The following DIDO1 variants were observed in gnomAD, a reference collection of about 807,000 sequenced individuals.
DIDO1 encodes death-inducer obliterator 1.
In DIDO1, 16 loss-of-function variants were observed where a neutral mutation model predicts 99.4. The ratio of observed to expected loss-of-function variants is 0.16; its 90% confidence interval spans 0.11 to 0.24. The LOEUF is 0.24. DIDO1 is among the 10% of genes least tolerant of loss of function. The probability of loss-of-function intolerance (pLI) is 1.00; values close to 1 mark genes in which losing one functional copy is unlikely to be tolerated. For missense variants in DIDO1, 2,996 were observed against 3,014.0 expected (o/e 0.99, Z 0.14); for synonymous variants, 1,366 against 1,239.1 (o/e 1.10, Z -2.15).
intron 1 of DIDO1, among the ~76,000 whole-genome samples, chr20:62,919,364 T>C (rs2065094722): frequency 1.3e-5 from 2 of 151,784 alleles, no homozygotes. Context: ...CATGGTGAAA[T>C]CCCCATCTCT....
In DIDO1 at chr20:62,896,938, T is replaced by C; in HGVS notation, c.1647A>G (p.Lys549=). The C allele has an allele frequency of 6.2e-7, 1 of 1,613,960 alleles. No individual in the cohort carries two copies. Among genetic ancestry groups the C allele is most frequent in the South Asian group, 1.1e-5 (1 of 91,074 alleles). The change falls in exon 7 of 16, where the codon AAA becomes AAG. Residue 549 remains lysine, a synonymous_variant. Transcript: ENST00000395343. This position sits in a 1 kb window ranked among gnomAD's most constrained non-coding sequence, Gnocchi z 4.4. ...EKAAAMAASK[K]TAPPGSAVGK... Reference sequence around the variant, plus strand: ...CCACCGCGGAGCCTGGAGGGGCTGTTTTCTTTGAGGCTGCCATGGCTGCCG... The same window carrying C: ...CCACCGCGGAGCCTGGAGGGGCTGTCTTCTTTGAGGCTGCCATGGCTGCCG...
At position 62,880,061 on chromosome 20, in the gene DIDO1, C is replaced by A. The variant is rs1252046201; in HGVS notation, c.5895G>T (p.Gln1965His). 1 of 1,611,548 alleles carries A rather than the reference C, an allele frequency of 6.2e-7. No individual in the cohort carries two copies. The highest frequency in any genetic ancestry group is 1.3e-5 in the African/African-American group (1 of 74,942). The change falls in exon 16 of 16, where the codon CAG becomes CAT. Residue 1965 changes from glutamine to histidine, a missense_variant. This residue lies in a region of DIDO1 where 1,562 missense variants were observed against 1,412.6 expected (regional missense o/e 1.11). Transcript: ENST00000395343. ...AATGGACCCTCTGGTCTTCGAACTG[C>A]TGAGGCTGAATGCCCCTGGGACCTG... ...FMPGPRGIQPQQFEDQRVHSP... is the reference protein window; with the variant it reads ...FMPGPRGIQPHQFEDQRVHSP...
At chr20:62,936,922 G>T (rs1035118874) in intron 1 of DIDO1, among the ~76,000 whole-genome samples, 1 of 152,238 alleles carries the variant, frequency 6.6e-6, no homozygotes, top group Non-Finnish European at 1.5e-5. Flanking sequence ...AGTTGCAAAT[G>T]AAAAAATTAC....
Position 62,909,822 on chromosome 20 carries a change from A to G in DIDO1, c.1038T>C (p.Asp346=). 6.2e-7 allele frequency: 1 copy of G among 1,614,246 alleles called. No homozygotes were observed. The highest frequency in any genetic ancestry group is 8.5e-7 in the Non-Finnish European group (1 of 1,180,032). ...QEAKWRPGDA[D]GTDCTSIGTI... is the part of the protein sequence containing the mutation. ...TTCCTATACTTGTACAATCGGTGCC[A>G]TCAGCATCTCCAGGTCTCCATTTAG... is the stretch of plus-strand genomic sequence containing the variant. The change falls in exon 4 of 16, where the codon GAT becomes GAC. Residue 346 remains aspartate, a synonymous_variant. Transcript: ENST00000395343.
Position 62,879,317 on chromosome 20 carries a change from G to T in DIDO1, c.6639C>A (p.Asp2213Glu). The T allele has an allele frequency of 6.4e-7, 1 of 1,569,930 alleles. No homozygotes were observed. Residue 2213 changes from aspartate (D) to glutamate (E), a missense_variant, in exon 16 of 16, where the codon GAC (aspartate) becomes GAA (glutamate). Coordinates refer to ENST00000395343, the MANE Select transcript of DIDO1 (RefSeq NM_001193369.2). The surrounding 1 kb of genome is among the most constrained non-coding windows in gnomAD (Gnocchi z 6.3). ...RDRERGRDRK[D>E]RSKSKESARD... The stretch of plus-strand genomic sequence containing the variant: ...GAGCGCTCTCTTTGCTCTTGCTCCG[G>T]TCCTTGCGGTCGCGGCCCCGCTCCC...
At chr20:62,890,541 C>T (rs1233223223) in intron 15 of DIDO1, 11 of 1,006,058 alleles carry the variant, frequency 1.1e-5, no homozygotes, top group African/African-American at 1.7e-5. Context: ...CCTGGAAATC[C>T]ATCCCTGTTA....
intron 15 of DIDO1, among the ~76,000 whole-genome samples, chr20:62,884,807 C>T (rs1367535320): frequency 6.6e-6 from 1 of 152,192 alleles, no homozygotes; most frequent in African/African-American, 2.4e-5. Flanking sequence ...ACCTCCACCT[C>T]CTCTTCACTC....
chr20:62,930,218 C>A (rs1032282411), upstream of DIDO1, among the ~76,000 whole-genome samples: 255 of 140,508 alleles, frequency 1.8e-3, no homozygotes, highest in African/African-American at 4.2e-3. Flanking sequence ...AACAAACAAA[C>A]AAAAAAAAAA....
intron 6 of DIDO1, among the ~76,000 whole-genome samples, chr20:62,904,354 C>T (rs528531215): frequency 6.6e-6 from 1 of 152,246 alleles, no homozygotes; most frequent in South Asian, 2.1e-4. Context: ...TGTAAGGTAT[C>T]GAGATTCATT....
chr20:62,900,463 A>G (rs1454380158), intron 6 of DIDO1, among the ~76,000 whole-genome samples: 2 of 152,126 alleles, frequency 1.3e-5, no homozygotes, highest in East Asian at 3.9e-4. Context: ...GACGGGGAGG[A>G]GAAAATCAGG....
chr20:62,913,209 G>A (rs1411306044), intron 2 of DIDO1, among the ~76,000 whole-genome samples: 1 of 151,978 alleles, frequency 6.6e-6, no homozygotes, highest in East Asian at 1.9e-4. Context: ...GGCACTCCAC[G>A]GAAGCCTTGG....
intron 1 of DIDO1, among the ~76,000 whole-genome samples, chr20:62,916,971 G>C (rs2065048903): frequency 6.6e-6 from 1 of 152,134 alleles, no homozygotes; most frequent in South Asian, 2.1e-4. Context: ...GGATGACACG[G>C]GTTCAAGTAA....
At chr20:62,901,078 T>TTCA (rs1283453232) in intron 6 of DIDO1, among the ~76,000 whole-genome samples, 1 of 152,240 alleles carries the variant, frequency 6.6e-6, no homozygotes, top group Non-Finnish European at 1.5e-5. Flanking sequence ...CTAGAATGTG[T>TTCA]TCACATGAAT....
At position 62,881,317 on chromosome 20, in the gene DIDO1, A is replaced by T. The variant is rs1020097345; in HGVS notation, c.4639T>A (p.Ser1547Thr). 1 of 1,604,406 alleles carries T rather than the reference A, an allele frequency of 6.2e-7. No individual in the cohort carries two copies. The highest frequency in any genetic ancestry group is 1.7e-5 in the Admixed American group (1 of 60,002). Reference protein sequence around the residue: ...QEQQSADKPASLPPASQASNH... With the variant: ...QEQQSADKPATLPPASQASNH... Reference sequence around the variant, plus strand: ...GACGCCTGGCTGGCGGGGGGCAGTGAGGCGGGCTTGTCTGCAGACTGCTGC... The same window carrying T: ...GACGCCTGGCTGGCGGGGGGCAGTGTGGCGGGCTTGTCTGCAGACTGCTGC... The change falls in exon 16 of 16, where the codon TCA becomes ACA. Residue 1547 changes from serine to threonine, a missense_variant. Transcript: ENST00000395343. The surrounding 1 kb of genome is among the most constrained non-coding windows in gnomAD (Gnocchi z 8.3).
At chr20:62,910,523 G>A (rs1370334949) in intron 3 of DIDO1, among the ~76,000 whole-genome samples, 1 of 152,196 alleles carries the variant, frequency 6.6e-6, no homozygotes, top group Non-Finnish European at 1.5e-5. Context: ...CGTGGCTCAC[G>A]TGACTGGGGT....
chr20:62,896,900 G>A lies in DIDO1; in HGVS notation c.1685C>T (p.Ala562Val). 6.2e-7 allele frequency: 1 copy of A among 1,614,038 alleles called. No individual in the cohort carries two copies. Among genetic ancestry groups the A allele is most frequent in the East Asian group, 2.2e-5 (1 of 44,882 alleles). Residue 562 changes from alanine to valine, a missense_variant, in exon 7 of 16, where the codon GCA becomes GTA. By Grantham distance (64) the Ala-to-Val change is moderately conservative. Transcript: ENST00000395343. The surrounding 1 kb of genome is among the most constrained non-coding windows in gnomAD (Gnocchi z 4.4). Reference sequence around the variant, plus strand: ...CTTCTTTGGCACGAGGTTTCTAGGTGCAGGCTGCTTGCCCACCGCGGAGCC... The same window carrying A: ...CTTCTTTGGCACGAGGTTTCTAGGTACAGGCTGCTTGCCCACCGCGGAGCC... Reference protein sequence around the residue: ...PPGSAVGKQPAPRNLVPKKSS... With the variant: ...PPGSAVGKQPVPRNLVPKKSS...
At chr20:62,923,811 A>C (rs1221122368) in intron 1 of DIDO1, among the ~76,000 whole-genome samples, 2 of 152,242 alleles carry the variant, frequency 1.3e-5, no homozygotes, top group South Asian at 2.1e-4. Flanking sequence ...AGCATACGCA[A>C]AACAAAACCA....
In DIDO1 at chr20:62,878,299, T is replaced by G. The variant is rs2064140320; in HGVS notation, c.*934A>C. Reference sequence around the variant, plus strand: ...ACAGTGAACAGCTTCCTGTCTCATTTGCAGTTCTTGAGCTAGTGATCACTA... The same window carrying G: ...ACAGTGAACAGCTTCCTGTCTCATTGGCAGTTCTTGAGCTAGTGATCACTA... On this transcript the variant is annotated 3_prime_UTR_variant, in exon 16 of 16. Transcript: ENST00000395343. 6.6e-6 allele frequency: 1 copy of G among 152,252 alleles called. No individual in the cohort carries two copies. The allele number at this position is 152,252 out of a possible 1,614,324, so 9.4% of individuals were successfully genotyped here.
chr20:62,913,734 C>T (rs1311887775), intron 2 of DIDO1, among the ~76,000 whole-genome samples: 1 of 152,226 alleles, frequency 6.6e-6, no homozygotes, highest in African/African-American at 2.4e-5. Flanking sequence ...AAGTTGCAGT[C>T]GCCTCTGCCT....
Sources: allele counts gnomAD v4.1 joint callset (sites outside exome capture counted in the v4.1 genomes callset), GRCh38; gene constraint gnomAD v4.1.1; regional missense constraint gnomAD v4.1.1; non-coding constraint Gnocchi (gnomAD v3.1); transcripts MANE v1.5; gene names NCBI Gene and HGNC (gene_info 2026-07-23, HGNC 2026-07-21).